Variants in KAT6A observed in about 807,000 individuals in gnomAD.
The protein encoded by KAT6A is histone acetyltransferase KAT6A.
A neutral mutation model predicts 198.4 loss-of-function variants in KAT6A; 9 were observed. The observed-to-expected ratio is 0.05, with a 90% CI of 0.03 to 0.08. The LOEUF (loss-of-function observed/expected upper bound fraction) is 0.08. Among genes scored for constraint, KAT6A ranks in the 10% least tolerant of loss-of-function variants. The probability of loss-of-function intolerance (pLI) is 1.00; values close to 1 mark genes in which losing one functional copy is unlikely to be tolerated. For missense variants in KAT6A, 2,077 were observed against 2,509.9 expected (o/e 0.83, Z 3.69); for synonymous variants, 890 against 883.0 (o/e 1.01, Z -0.14).
In KAT6A at chr8:42,022,130, T is replaced by G. The variant is rs144718654; in HGVS notation, c.600+26248A>C. On this transcript the variant is annotated intron_variant, in intron 2 of 16. Coordinates refer to ENST00000265713, the MANE Select transcript of KAT6A (RefSeq NM_006766.5). ...TCTTCTTTAAAGAGTTGCTGTGATC[T>G]AAATATAATACCTAGCATATAATAT... is the stretch of plus-strand genomic sequence containing the variant. 3.7e-3 allele frequency among the ~76,000 whole-genome samples: 570 copies of G among 152,298 alleles called. 4 individuals carry two copies. The highest frequency in any genetic ancestry group is 0.013 in the African/African-American group (535 of 41,556).
intron 2 of KAT6A, among the ~76,000 whole-genome samples, chr8:42,021,694 G>GCCA (rs1826541957): frequency 6.6e-6 from 1 of 152,176 alleles, no homozygotes; most frequent in Non-Finnish European, 1.5e-5. Flanking sequence ...ACTTTGGGAG[G>GCCA]CCAAGGCAGG....
At chr8:42,029,297 T>C (rs919711652) in intron 2 of KAT6A, among the ~76,000 whole-genome samples, 2 of 152,208 alleles carry the variant, frequency 1.3e-5, no homozygotes, top group Non-Finnish European at 2.9e-5. Context: ...CTTTTAGTTT[T>C]CTAAATCTGT....
Position 41,933,920 on chromosome 8 carries a change from C to T in KAT6A, c.4300G>A (p.Glu1434Lys). The T allele has an allele frequency of 6.2e-7, 1 of 1,614,154 alleles. No individual in the cohort carries two copies. The highest frequency in any genetic ancestry group is 8.5e-7 in the Non-Finnish European group (1 of 1,180,030). The part of the protein sequence containing the change: ...TVQAVQSLTQ[E>K]ESSEHEGAYQ... ...GCGCCCTCATGCTCACTGCTTTCTT[C>T]TTGAGTCAAAGACTGCACTGCCTGT... The change falls in exon 17 of 17, where the codon GAA (glutamate) becomes AAA (lysine). Residue 1434 changes from glutamate (E) to lysine (K), a missense_variant. Coordinates refer to ENST00000265713, the MANE Select transcript of KAT6A (RefSeq NM_006766.5). This position sits in a 1 kb window ranked among gnomAD's most constrained non-coding sequence, Gnocchi z 6.2.
At chr8:42,049,719 G>C (rs1802503313) in intron 1 of KAT6A, 1 of 152,016 alleles carries the variant, frequency 6.6e-6, no homozygotes. Context: ...TGCAATGAAA[G>C]TAAAAGTGAA....
At chr8:41,952,343 A>C (rs556364923) in intron 9 of KAT6A, among the ~76,000 whole-genome samples, 1 of 152,312 alleles carries the variant, frequency 6.6e-6, no homozygotes, top group South Asian at 2.1e-4. Flanking sequence ...AGGATCTCAA[A>C]GCTAAGCTCA....
chr8:41,980,916 G>A lies in KAT6A; in HGVS notation c.837C>T (p.Leu279=), dbSNP rs753509222. ...AACCTCGGTCACATGAATCACAAAA[G>A]AGCATGTTATCCTATTAGAAAAAAG... ...RDQGKNADNM[L]FCDSCDRGFH... The change falls in exon 5 of 17, where the codon CTC becomes CTT. Residue 279 remains leucine, a synonymous_variant. Transcript: ENST00000265713. 3.7e-6 allele frequency: 6 copies of A among 1,611,504 alleles called. No homozygotes were observed. Among genetic ancestry groups the A allele is most frequent in the Non-Finnish European group, 4.2e-6 (5 of 1,178,222 alleles).
At chr8:42,043,157 A>T (rs1771744003) in intron 2 of KAT6A, among the ~76,000 whole-genome samples, 4 of 152,226 alleles carry the variant, frequency 2.6e-5, no homozygotes, top group African/African-American at 9.6e-5. Flanking sequence ...ACAGGACCTA[A>T]ATCTTAAATC....
At chr8:41,944,010 C>G in intron 12 of KAT6A, 31 bp from the exon 13 acceptor site, 1 of 1,506,592 alleles carries the variant, frequency 6.6e-7, no homozygotes, top group South Asian at 1.1e-5. Context: ...CAAATCAGAA[C>G]TAGGTCAGCA....
At position 41,944,046 on chromosome 8, in the gene KAT6A, A is replaced by G. The variant is rs1346216778; in HGVS notation, c.1997-67T>C. ...ACTCTGAAAAACTGGATTCACCAAAATAACAATCCCCTCTTCTACAACCAA... is the reference window on the plus strand; with the variant it reads ...ACTCTGAAAAACTGGATTCACCAAAGTAACAATCCCCTCTTCTACAACCAA... On this transcript the variant is annotated intron_variant, in intron 12 of 16. Coordinates refer to ENST00000265713, the MANE Select transcript of KAT6A (RefSeq NM_006766.5). 2.9e-6 allele frequency: 3 copies of G among 1,019,728 alleles called. No homozygotes were observed. The Admixed American group carries it at 6.1e-5, about 21-fold the overall frequency. The allele number at this position is 1,019,728 out of a possible 1,614,324, so 63.2% of individuals were successfully genotyped here.
chr8:41,978,894 T>G (rs904580832), intron 5 of KAT6A, 117 bp from the exon 6 acceptor site: 12 of 846,888 alleles, frequency 1.4e-5, no homozygotes, highest in African/African-American at 1.2e-4. Flanking sequence ...CATTAGAAAA[T>G]CTGATGAATA....
chr8:42,023,145 C>G (rs1336808266), intron 2 of KAT6A, among the ~76,000 whole-genome samples: 1 of 152,064 alleles, frequency 6.6e-6, no homozygotes. Flanking sequence ...AGAAAAGGAA[C>G]AGTAAAAATA....
intron 8 of KAT6A, chr8:41,958,237 G>C (rs892610513): frequency 1.3e-5 from 2 of 152,206 alleles, no homozygotes; most frequent in Non-Finnish European, 2.9e-5. Context: ...TTAAGGACTA[G>C]AGAAAATCAT....
At chr8:41,978,592 G>C in intron 6 of KAT6A, 50 bp downstream of exon 6, 1 of 1,593,452 alleles carries the variant, frequency 6.3e-7, no homozygotes, top group Non-Finnish European at 8.6e-7. Context: ...CTACACTATA[G>C]AGAAGACCCT....
At chr8:41,968,867 G>C (rs1823639661) in intron 8 of KAT6A, among the ~76,000 whole-genome samples, 1 of 151,934 alleles carries the variant, frequency 6.6e-6, no homozygotes, top group Admixed American at 6.6e-5. Context: ...CACAGTACTA[G>C]GCAAACTACA....
rs145754397 is a variant in KAT6A at position 41,932,620 on chromosome 8, G to A, written c.5600C>T (p.Ala1867Val). ...IRSKSAPLPS[A>V]AAHQQQLYGR... ...ATACAGCTGCTGCTGGTGAGCAGCC[G>A]CAGAGGGCAGTGGCGCAGACTTGGA... Residue 1867 changes from alanine (A) to valine (V), a missense_variant, in exon 17 of 17, where the codon GCG becomes GTG. Transcript: ENST00000265713. 3.2e-5 allele frequency: 52 copies of A among 1,613,896 alleles called. No individual in the cohort carries two copies. The highest frequency in any genetic ancestry group is 8.0e-5 in the African/African-American group (6 of 74,942).
At chr8:42,001,432 G>C in intron 2 of KAT6A, among the ~76,000 whole-genome samples, 1 of 152,208 alleles carries the variant, frequency 6.6e-6, no homozygotes, top group East Asian at 1.9e-4. Flanking sequence ...TGTAGAGTAA[G>C]TGGCAGCTAG....
chr8:42,051,662 G>A (rs1188928400), intron 1 of KAT6A, among the ~76,000 whole-genome samples: 1 of 145,484 alleles, frequency 6.9e-6, no homozygotes, highest in African/African-American at 2.5e-5. Context: ...CGCGGGCCGC[G>A]GGCCGGGGCA....
intron 9 of KAT6A, among the ~76,000 whole-genome samples, chr8:41,953,681 C>A (rs1822778969): frequency 6.6e-6 from 1 of 152,102 alleles, no homozygotes; most frequent in Admixed American, 6.6e-5. Flanking sequence ...GCCATGTTGG[C>A]CAGGCTGGTC....
rs552801680 is a variant in KAT6A, at chr8:41,948,133, T to C, written c.1741-221A>G. 2.3e-3 allele frequency among the ~76,000 whole-genome samples: 353 copies of C among 152,326 alleles called. 1 individual carries two copies. The highest frequency in any genetic ancestry group is 3.9e-3 in the Non-Finnish European group (262 of 68,022). ...TATATAAAACCTCATACCTTCAACA[T>C]AGCAGGAACAGCCAGATAAGGAAGT... is the stretch of plus-strand genomic sequence containing the variant. On this transcript the variant is annotated intron_variant, in intron 10 of 16. Transcript: ENST00000265713.
Sources: gnomAD v4.1 joint callset for allele counts (sites outside exome capture counted in the v4.1 genomes callset) on GRCh38, gnomAD v4.1.1 for gene constraint, Gnocchi (gnomAD v3.1) non-coding constraint, MANE v1.5 for transcripts, NCBI Gene and HGNC (gene_info 2026-07-23, HGNC 2026-07-21) for gene names.